MYO16: variants seen among roughly 807,000 people sequenced by gnomAD.
MYO16 encodes unconventional myosin-XVI.
A neutral mutation model predicts 205.3 loss-of-function variants in MYO16; 94 were observed. The ratio of observed to expected loss-of-function variants is 0.46; its 90% CI spans 0.39 to 0.54. The LOEUF (loss-of-function observed/expected upper bound fraction) is 0.54, where lower values mean the gene tolerates loss of function less well. MYO16 is among the 20% of genes least tolerant of loss of function. The probability of loss-of-function intolerance (pLI) is 0.00; values close to 1 mark genes in which losing one functional copy is unlikely to be tolerated. For synonymous variants in MYO16, 988 were observed against 954.0 expected, an observed-to-expected ratio of 1.04 and a Z score of -0.66; for missense variants, 2,315 against 2,387.5, an observed-to-expected ratio of 0.97 and a Z score of 0.63.
chr13:108,788,327 T>C (rs1886517436), intron 5 of MYO16, among the ~76,000 whole-genome samples: 1 of 152,138 alleles, frequency 6.6e-6, no homozygotes, highest in South Asian at 2.1e-4. Flanking sequence ...TGCCAGGCTG[T>C]GAAATGAGAC....
At chr13:108,580,440 C>CTTAGTGTT in the MYO16 span, among the ~76,000 whole-genome samples, 4 of 152,204 alleles carry the variant, frequency 2.6e-5, no homozygotes, top group African/African-American at 9.7e-5. Context: ...TTTTAAGCCA[C>CTTAGTGTT]TTAGTGTTTA....
At position 108,922,024 on chromosome 13, in the gene MYO16, T is replaced by G. The variant is rs149689415; in HGVS notation, c.1925+11874T>G. The stretch of plus-strand genomic sequence containing the variant: ...AAAGTTATGATTTGGAGTTAGAGGT[T>G]TATAATACGTGGAATAAGTGGGGTC... On this transcript the variant is annotated intron_variant, in intron 16 of 34. Transcript: ENST00000457511. 3.5e-3 allele frequency among the ~76,000 whole-genome samples: 530 copies of G among 152,290 alleles called. 5 individuals are homozygous for G. Among genetic ancestry groups the G allele is most frequent in the African/African-American group, 0.012 (508 of 41,550 alleles).
At chr13:108,844,585 T>G in intron 10 of MYO16, 92 bp downstream of exon 10, 125 of 1,221,288 alleles carry the variant, frequency 1.0e-4, no homozygotes, top group Non-Finnish European at 1.3e-4. Flanking sequence ...AAATGCGCAC[T>G]AATTTGCATT....
At chr13:108,824,276 G>A (rs1876140565) in intron 9 of MYO16, among the ~76,000 whole-genome samples, 1 of 151,986 alleles carries the variant, frequency 6.6e-6, no homozygotes, top group African/African-American at 2.4e-5. Flanking sequence ...GCTAAAATAT[G>A]CATTAAAAGA....
chr13:108,527,910 T>G, the MYO16 span, among the ~76,000 whole-genome samples: 1 of 152,230 alleles, frequency 6.6e-6, no homozygotes, highest in East Asian at 1.9e-4. Flanking sequence ...GTTAGTTTTC[T>G]GTTTAACAAG....
intron 2 of MYO16, among the ~76,000 whole-genome samples, chr13:108,670,912 G>A (rs536605775): frequency 9.2e-5 from 14 of 152,246 alleles, no homozygotes; most frequent in South Asian, 4.1e-4. Flanking sequence ...AACCACAGAC[G>A]CCTGGCAAGG....
intron 16 of MYO16, among the ~76,000 whole-genome samples, chr13:108,946,420 T>G (rs1023114038): frequency 6.6e-6 from 1 of 152,170 alleles, no homozygotes; most frequent in Non-Finnish European, 1.5e-5. Context: ...CTTCCAGATA[T>G]ACTGGGAACC....
At chr13:108,772,458 C>T (rs951026971) in intron 4 of MYO16, among the ~76,000 whole-genome samples, 1 of 152,096 alleles carries the variant, frequency 6.6e-6, no homozygotes, top group African/African-American at 2.4e-5. Context: ...TCTGTTGCTC[C>T]ACATTCTCAC....
the MYO16 span, among the ~76,000 whole-genome samples, chr13:108,499,165 G>T: frequency 2.0e-4 from 30 of 152,308 alleles, no homozygotes; most frequent in African/African-American, 6.3e-4. Context: ...TTTAAGCATG[G>T]ACTTTTTTTC....
intron 33 of MYO16, among the ~76,000 whole-genome samples, chr13:109,167,894 A>G (rs879379756): frequency 6.6e-6 from 1 of 152,212 alleles, no homozygotes. Flanking sequence ...GAAAAAAAAT[A>G]AAAATGAAAG....
intron 9 of MYO16, among the ~76,000 whole-genome samples, chr13:108,843,015 A>G (rs1877326397): frequency 6.6e-6 from 1 of 152,118 alleles, no homozygotes; most frequent in South Asian, 2.1e-4. Context: ...CAAATATTAC[A>G]TGATCTTGCT....
At chr13:108,561,504 T>A in the MYO16 span, among the ~76,000 whole-genome samples, 5 of 152,206 alleles carry the variant, frequency 3.3e-5, no homozygotes, top group African/African-American at 1.2e-4. Context: ...AAAACCTTGG[T>A]TTTTTTCTTA....
At chr13:108,652,374 G>A (rs1881051742) in intron 1 of MYO16, among the ~76,000 whole-genome samples, 3 of 152,162 alleles carry the variant, frequency 2.0e-5, no homozygotes. Flanking sequence ...TAATCTAGCT[G>A]CTTGTGTCTT....
At chr13:108,670,154 G>A (rs944976034) in intron 2 of MYO16, among the ~76,000 whole-genome samples, 3 of 152,120 alleles carry the variant, frequency 2.0e-5, no homozygotes, top group Admixed American at 6.6e-5. Flanking sequence ...GTAAGAGAAG[G>A]CAATTGATGG....
At chr13:109,025,890 CA>C (rs1886346704) in intron 23 of MYO16, among the ~76,000 whole-genome samples, 1 of 152,086 alleles carries the variant, frequency 6.6e-6, no homozygotes, top group Non-Finnish European at 1.5e-5. Context: ...AAATGTAGGT[CA>C]AAAGTAATAG....
chr13:108,673,151 G>A (rs771863412), intron 2 of MYO16, among the ~76,000 whole-genome samples: 5 of 151,988 alleles, frequency 3.3e-5, no homozygotes, highest in Non-Finnish European at 7.4e-5. Flanking sequence ...TATAGACAAC[G>A]TCATACTGCA....
chr13:108,731,180 A>T (rs971586802), intron 4 of MYO16, among the ~76,000 whole-genome samples: 1 of 152,228 alleles, frequency 6.6e-6, no homozygotes, highest in Non-Finnish European at 1.5e-5. Context: ...ATAAATAATT[A>T]GCTTCTAGCA....
chr13:108,679,953 T>C (rs1882392387), intron 2 of MYO16, among the ~76,000 whole-genome samples: 1 of 152,116 alleles, frequency 6.6e-6, no homozygotes, highest in African/African-American at 2.4e-5. Flanking sequence ...TGCCATCCCC[T>C]ATCTAGAACT....
At chr13:108,936,121 CT>C in intron 16 of MYO16, among the ~76,000 whole-genome samples, 1 of 146,314 alleles carries the variant, frequency 6.8e-6, no homozygotes, top group South Asian at 2.2e-4. Context: ...TCCTTCCTTC[CT>C]TCCTTCCTTC....
Sources: allele counts gnomAD v4.1 joint callset (sites outside exome capture counted in the v4.1 genomes callset), GRCh38; gene constraint gnomAD v4.1.1; transcripts MANE v1.5; gene names NCBI Gene and HGNC (gene_info 2026-07-23, HGNC 2026-07-21).